Variants in MIER1 observed in about 807,000 individuals in gnomAD.
MIER1 encodes mesoderm induction early response protein 1.
In MIER1, 40 loss-of-function variants were observed where a neutral mutation model predicts 75.7. The observed-to-expected ratio is 0.53, with a 90% CI of 0.41 to 0.69. The LOEUF is 0.69. Among genes scored for constraint, MIER1 ranks in the 30% least tolerant of loss-of-function variants. MIER1 has a pLI of 0.00. For synonymous variants in MIER1, 213 were observed against 223.4 expected (o/e 0.95, Z 0.42); for missense variants, 574 against 680.2 (o/e 0.84, Z 1.74).
intron 8 of MIER1, among the ~76,000 whole-genome samples, chr1:66,967,310 C>T (rs1377886213): frequency 6.6e-6 from 1 of 152,096 alleles, no homozygotes; most frequent in African/African-American, 2.4e-5. Context: ...AATGAGTTCA[C>T]TGTAGGTATG....
intron 2 of MIER1, among the ~76,000 whole-genome samples, chr1:66,926,515 TA>T (rs1224453529): frequency 6.6e-6 from 1 of 152,202 alleles, no homozygotes; most frequent in Non-Finnish European, 1.5e-5. Context: ...AAAGCCTATA[TA>T]AGTGTTTTAG....
intron 2 of MIER1, among the ~76,000 whole-genome samples, chr1:66,926,468 A>G (rs748660929): frequency 1.5e-4 from 23 of 152,216 alleles, no homozygotes; most frequent in Non-Finnish European, 2.5e-4. Flanking sequence ...TGTAAAAATT[A>G]TGAAAAGAAA....
At chr1:66,937,020 A>AG (rs1655046473) in intron 2 of MIER1, among the ~76,000 whole-genome samples, 1 of 143,348 alleles carries the variant, frequency 7.0e-6, no homozygotes, top group Non-Finnish European at 1.5e-5. Flanking sequence ...AAAAAAAAAA[A>AG]GAGAAAAAGA....
intron 2 of MIER1, among the ~76,000 whole-genome samples, chr1:66,928,180 A>G (rs1652272440): frequency 6.6e-6 from 1 of 152,090 alleles, no homozygotes; most frequent in African/African-American, 2.4e-5. Context: ...TAATAATACC[A>G]TTTAAAACTA....
intron 12 of MIER1, among the ~76,000 whole-genome samples, chr1:66,977,605 A>G (rs887111068): frequency 3.3e-5 from 5 of 152,136 alleles, no homozygotes; most frequent in Admixed American, 1.3e-4. Flanking sequence ...TTCCCATGTT[A>G]AGAGAATTTA....
At chr1:66,973,320 C>A (rs1178132993) in intron 11 of MIER1, among the ~76,000 whole-genome samples, 1 of 151,884 alleles carries the variant, frequency 6.6e-6, no homozygotes, top group Non-Finnish European at 1.5e-5. Flanking sequence ...TTATGGAGGG[C>A]CTTTGAAATG....
intron 8 of MIER1, among the ~76,000 whole-genome samples, chr1:66,970,000 AAC>A (rs1324830833): frequency 1.3e-5 from 2 of 152,190 alleles, no homozygotes; most frequent in African/African-American, 4.8e-5. Flanking sequence ...TATTCTTTGA[AAC>A]ACTCTCTTCC....
rs201985837 is a variant in MIER1, at chr1:66,986,490, T to C, written c.*1590T>C. ...TTAAAATAAAGCTTCTGTGGTCTTG[T>C]TTTTAATGGCTCAACTGTCTGATGT... is the stretch of plus-strand genomic sequence containing the variant. On this transcript the variant is annotated 3_prime_UTR_variant, in exon 14 of 14. Coordinates refer to ENST00000401041, the MANE Select transcript of MIER1 (RefSeq NM_001077700.3). 2.4e-5 allele frequency: 37 copies of C among 1,556,108 alleles called. No homozygotes were observed. In the African/African-American group the frequency reaches 4.6e-4, roughly 19 times the overall value.
intron 12 of MIER1, among the ~76,000 whole-genome samples, chr1:66,978,088 C>T (rs774559589): frequency 3.4e-4 from 52 of 151,128 alleles, no homozygotes; most frequent in African/African-American, 7.3e-5. Context: ...CTCAGCTACT[C>T]GGGAGACTGA....
intron 11 of MIER1, 62 bp downstream of exon 11, chr1:66,973,053 G>A (rs1664017575): frequency 3.5e-6 from 3 of 865,996 alleles, no homozygotes; most frequent in Non-Finnish European, 5.8e-6. Context: ...AAATGGTCAT[G>A]TATCGTAATT....
At position 66,984,691 on chromosome 1, in the gene MIER1, A is replaced by T. The variant is rs748905789; in HGVS notation, c.1489A>T (p.Asn497Tyr). The T allele has an allele frequency of 3.7e-6, 6 of 1,613,954 alleles. No homozygotes were observed. In the Admixed American group the frequency reaches 8.3e-5, roughly 22 times the overall value. Residue 497 changes from asparagine (N) to tyrosine (Y), a missense_variant, in exon 14 of 14, where the codon AAT becomes TAT. Transcript: ENST00000401041. ...KKPLHADMDTNGYETDNLTTD... is the reference protein window; with the variant it reads ...KKPLHADMDTYGYETDNLTTD... ...ACCACTTCATGCAGATATGGATACT[A>T]ATGGTTATGAAACAGATAACCTTAC...
Position 66,976,658 on chromosome 1 carries a change from T to C in MIER1, c.1165T>C (p.Tyr389His). 1 of 1,608,150 alleles carries C rather than the reference T, an allele frequency of 6.2e-7. No individual in the cohort carries two copies. The part of the protein sequence containing the change: ...FYYMWKKSER[Y>H]DFFAQQTRFG... Reference sequence around the variant, plus strand: ...TTACATGTGGAAAAAATCTGAACGTTATGATTTCTTTGCTCAGCAAACACG... The same window carrying C: ...TTACATGTGGAAAAAATCTGAACGTCATGATTTCTTTGCTCAGCAAACACG... Residue 389 changes from tyrosine (Y) to histidine (H), a missense_variant, in exon 12 of 14, where the codon TAT becomes CAT. Coordinates refer to ENST00000401041, the MANE Select transcript of MIER1 (RefSeq NM_001077700.3).
intron 4 of MIER1, among the ~76,000 whole-genome samples, chr1:66,953,185 G>A (rs900888286): frequency 6.6e-6 from 1 of 152,178 alleles, no homozygotes; most frequent in African/African-American, 2.4e-5. Flanking sequence ...TAAGTGCTTG[G>A]AATGGAAGAA....
chr1:66,933,447 TAAGTATTTTAGTACTTTCA>T (rs1202825762), intron 2 of MIER1, among the ~76,000 whole-genome samples: 2 of 152,216 alleles, frequency 1.3e-5, no homozygotes, highest in African/African-American at 4.8e-5. Context: ...TCTTTCTATT[TAAGTATTTTAGTACTTTCA>T]AAGAGGGTAT....
At chr1:66,978,507 TTA>T (rs543042353) in intron 12 of MIER1, among the ~76,000 whole-genome samples, 35 of 152,326 alleles carry the variant, frequency 2.3e-4, no homozygotes, top group African/African-American at 8.2e-4. Context: ...AATGTTAAAT[TTA>T]TAGTTAATTT....
At chr1:66,935,272 C>T (rs1034633633) in intron 2 of MIER1, among the ~76,000 whole-genome samples, 7 of 152,258 alleles carry the variant, frequency 4.6e-5, no homozygotes, top group South Asian at 2.1e-4. Flanking sequence ...ATTGAATATT[C>T]GTTACAACTA....
chr1:66,926,037 C>A, intron 1 of MIER1, 105 bp from the exon 2 acceptor site: 1 of 818,140 alleles, frequency 1.2e-6, no homozygotes, highest in Non-Finnish European at 2.0e-6. Context: ...GGATCCTTGT[C>A]CTGATTCCCG....
In MIER1 at chr1:66,984,865, G is replaced by A; in HGVS notation, c.1663G>A (p.Gly555Arg). 5 of 1,596,486 alleles carry A rather than the reference G, an allele frequency of 3.1e-6. No individual in the cohort carries two copies. The highest frequency in any genetic ancestry group is 4.3e-6 in the Non-Finnish European group (5 of 1,175,076). The change falls in exon 14 of 14, where the codon GGG (glycine) becomes AGG (arginine). Residue 555 changes from glycine (G) to arginine (R), a missense_variant. By Grantham distance (125) the Gly-to-Arg change is moderately radical (BLOSUM62 -2). Around this residue, in one of 3 missense-constraint regions of MIER1, gnomAD observed 164 missense variants for 154.3 expected, o/e 1.06. Transcript: ENST00000401041. ...SEFFQEAVSH[G>R]KFEELENTDD ...ATTTTTCCAAGAAGCAGTCTCACATGGGAAATTTGAAGAACTTGAAAACAC... is the reference window on the plus strand; with the variant it reads ...ATTTTTCCAAGAAGCAGTCTCACATAGGAAATTTGAAGAACTTGAAAACAC...
In MIER1 at chr1:66,973,000, T is replaced by C; in HGVS notation, c.1101+9T>C. The C allele has an allele frequency of 6.6e-7, 1 of 1,507,828 alleles. No homozygotes were observed. Among genetic ancestry groups the C allele is most frequent in the Non-Finnish European group, 9.2e-7 (1 of 1,087,008 alleles). The allele number at this position is 1,507,828 out of a possible 1,614,324, so 93.4% of individuals were successfully genotyped here. A position where few individuals can be genotyped will look rare whatever the true frequency, so the allele number is the denominator to read the frequency against. Reference sequence around the variant, plus strand: ...TGATTCAGGCTAATAAAGTAAGTAATGATAATCTCTTTTTTGCAAAAAGAA... The same window carrying C: ...TGATTCAGGCTAATAAAGTAAGTAACGATAATCTCTTTTTTGCAAAAAGAA... On this transcript the variant is annotated intron_variant, in intron 11 of 13. Coordinates refer to ENST00000401041, the MANE Select transcript of MIER1 (RefSeq NM_001077700.3).
Sources: gnomAD v4.1 joint callset for allele counts (sites outside exome capture counted in the v4.1 genomes callset) on GRCh38, gnomAD v4.1.1 for gene constraint, gnomAD v4.1.1 regional missense constraint, MANE v1.5 for transcripts, NCBI Gene and HGNC (gene_info 2026-07-23, HGNC 2026-07-21) for gene names.